ANKDD1A: variants seen among roughly 807,000 people sequenced by gnomAD.
The protein encoded by ANKDD1A is ankyrin repeat and death domain containing 1A, also known as ankyrin repeat and death domain-containing protein 1A.
In ANKDD1A, 59 loss-of-function variants were observed where a neutral mutation model predicts 63.5. That is an observed-to-expected ratio of 0.93 (90% CI 0.75 to 1.15). The LOEUF (loss-of-function observed/expected upper bound fraction) is 1.15. ANKDD1A is among the 50% of genes most tolerant of loss of function. ANKDD1A has a pLI of 0.00. For missense variants in ANKDD1A, 632 were observed against 656.4 expected (o/e 0.96, Z 0.41); for synonymous variants, 266 against 263.9 (o/e 1.01, Z -0.08).
rs952707099 is a variant in ANKDD1A at position 64,950,435 on chromosome 15, G to A, written c.1483+463G>A. On this transcript the variant is annotated intron_variant, in intron 14 of 14. Transcript: ENST00000319580. ...TTATTTGAGTATGCCAATCTCAAAAGCCTGATATGGGATTCAGTGTTCTGT... is the reference window on the plus strand; with the variant it reads ...TTATTTGAGTATGCCAATCTCAAAAACCTGATATGGGATTCAGTGTTCTGT... The A allele has an allele frequency of 2.4e-5, 24 of 985,288 alleles. No individual in the cohort carries two copies. The East Asian group carries it at 1.8e-3, about 75-fold the overall frequency. 61.0% of individuals were successfully genotyped at this position (985,288 alleles called of 1,614,324 possible).
chr15:64,953,933 C>A (rs1445821580), intron 14 of ANKDD1A, among the ~76,000 whole-genome samples: 1 of 12,370 alleles, frequency 8.1e-5, no homozygotes, highest in Admixed American at 7.6e-4. Flanking sequence ...TTTCTTTTTT[C>A]TTTTCTTCCT....
intron 14 of ANKDD1A, among the ~76,000 whole-genome samples, chr15:64,956,484 C>CA (rs1183224635): frequency 1.3e-5 from 2 of 152,230 alleles, no homozygotes; most frequent in East Asian, 3.9e-4. Flanking sequence ...ACCCGGGAGA[C>CA]AGAGCTTGCA....
chr15:64,950,834 G>A, intron 14 of ANKDD1A: 1 of 1,067,758 alleles, frequency 9.4e-7, no homozygotes, highest in Non-Finnish European at 1.1e-6. Context: ...TCCCCAAAAT[G>A]TTCTTAAATA....
intron 1 of ANKDD1A, 53 bp downstream of exon 1, chr15:64,912,017 GC>G: frequency 8.1e-7 from 1 of 1,234,970 alleles, no homozygotes. Flanking sequence ...GAGGACCCCC[GC>G]ATCCGTTTGG....
intron 9 of ANKDD1A, among the ~76,000 whole-genome samples, chr15:64,939,934 A>C (rs1181756007): frequency 6.6e-6 from 1 of 152,040 alleles, no homozygotes; most frequent in Non-Finnish European, 1.5e-5. Flanking sequence ...GGTTAGGCCA[A>C]AGAGTTCTTA....
chr15:64,956,233 T>C (rs1408140005), intron 14 of ANKDD1A, among the ~76,000 whole-genome samples: 4 of 88,820 alleles, frequency 4.5e-5, no homozygotes, highest in African/African-American at 1.6e-4. Flanking sequence ...TTTGGATTCC[T>C]TTTTTTTTTC....
At chr15:64,935,478 A>G (rs2085123146) in intron 9 of ANKDD1A, among the ~76,000 whole-genome samples, 1 of 152,072 alleles carries the variant, frequency 6.6e-6, no homozygotes, top group Non-Finnish European at 1.5e-5. Context: ...GATCGAGACC[A>G]TCCTGGATAA....
intron 9 of ANKDD1A, among the ~76,000 whole-genome samples, chr15:64,938,366 T>C (rs1336598597): frequency 6.6e-6 from 1 of 152,168 alleles, no homozygotes; most frequent in African/African-American, 2.4e-5. Context: ...TCAACAGTGA[T>C]GAGTCATGTT....
At chr15:64,930,679 A>C in intron 6 of ANKDD1A, 143 bp from the exon 7 acceptor site, 2 of 694,704 alleles carry the variant, frequency 2.9e-6, no homozygotes, top group Non-Finnish European at 2.4e-6. Context: ...TTGGCCCTTG[A>C]ATCTGCCCCT....
At chr15:64,917,355 C>A in intron 2 of ANKDD1A, 31 bp from the exon 3 acceptor site, 1 of 1,577,552 alleles carries the variant, frequency 6.3e-7, no homozygotes. Flanking sequence ...GTGGCAGCAG[C>A]ACCTGACAAG....
intron 9 of ANKDD1A, among the ~76,000 whole-genome samples, chr15:64,936,654 C>A (rs1206909290): frequency 6.6e-6 from 1 of 151,986 alleles, no homozygotes; most frequent in Non-Finnish European, 1.5e-5. Flanking sequence ...GCCTGGGCAG[C>A]ATAGTGAGAC....
intron 14 of ANKDD1A, among the ~76,000 whole-genome samples, chr15:64,956,374 C>T (rs2085417105): frequency 6.6e-6 from 1 of 151,978 alleles, no homozygotes; most frequent in South Asian, 2.1e-4. Context: ...ACAGTGAAAC[C>T]CTGTCTCTAC....
intron 1 of ANKDD1A, among the ~76,000 whole-genome samples, chr15:64,914,893 CTG>C (rs2140363013): frequency 1.3e-5 from 2 of 152,272 alleles, no homozygotes; most frequent in South Asian, 2.1e-4. Context: ...ATCTGAGACT[CTG>C]TGCTAAAGGT....
chr15:64,925,247 AAAAG>A, intron 4 of ANKDD1A, among the ~76,000 whole-genome samples: 1 of 151,910 alleles, frequency 6.6e-6, no homozygotes, highest in South Asian at 2.1e-4. Context: ...AAAAAAAAAA[AAAAG>A]AAGTACACAT....
intron 2 of ANKDD1A, 66 bp downstream of exon 2, chr15:64,915,966 G>A: frequency 1.4e-6 from 2 of 1,480,360 alleles, no homozygotes; most frequent in East Asian, 2.3e-5. Context: ...AGTACACAGG[G>A]GGAATAGTTT....
chr15:64,952,891 TCCTTCTC>T (rs1381617147), intron 14 of ANKDD1A, among the ~76,000 whole-genome samples: 2 of 144,254 alleles, frequency 1.4e-5, no homozygotes, highest in Non-Finnish European at 3.1e-5. Flanking sequence ...TTCTCCTTCT[TCCTTCTC>T]CTTCCTTCTC....
At chr15:64,940,078 T>C (rs757106322) in intron 9 of ANKDD1A, among the ~76,000 whole-genome samples, 1 of 151,706 alleles carries the variant, frequency 6.6e-6, no homozygotes, top group Non-Finnish European at 1.5e-5. Flanking sequence ...GAGAAAAGAT[T>C]TGCAAATCAC....
intron 6 of ANKDD1A, among the ~76,000 whole-genome samples, chr15:64,928,850 C>T (rs914115350): frequency 3.3e-5 from 5 of 152,222 alleles, no homozygotes; most frequent in African/African-American, 9.6e-5. Flanking sequence ...CAGGAAAGTG[C>T]GAGCGCCTGT....
intron 14 of ANKDD1A, chr15:64,950,565 G>A (rs915482977): frequency 4.3e-5 from 42 of 985,322 alleles, no homozygotes; most frequent in African/African-American, 1.9e-4. Context: ...ACCCACTGAC[G>A]TGGTACATAA....
Sources: allele counts gnomAD v4.1 joint callset (sites outside exome capture counted in the v4.1 genomes callset), GRCh38; gene constraint gnomAD v4.1.1; transcripts MANE v1.5; gene names NCBI Gene and HGNC (gene_info 2026-07-23, HGNC 2026-07-21).